GRM7: variants seen among roughly 807,000 people sequenced by gnomAD.
GRM7 encodes the protein glutamate metabotropic receptor 7, also known as metabotropic glutamate receptor 7.
A neutral mutation model predicts 84.5 loss-of-function variants in GRM7; 35 were observed. The observed-to-expected ratio is 0.41, with a 90% CI of 0.32 to 0.55. The LOEUF (loss-of-function observed/expected upper bound fraction) is 0.55. Among genes scored for constraint, GRM7 ranks in the 20% least tolerant of loss-of-function variants. GRM7 has a pLI of 0.19. For synonymous variants in GRM7, 487 were observed against 455.1 expected (o/e 1.07, Z -0.89); for missense variants, 1,003 against 1,194.6 (o/e 0.84, Z 2.36).
At chr3:7,098,092 C>G (rs1489812920) in intron 1 of GRM7, among the ~76,000 whole-genome samples, 2 of 151,946 alleles carry the variant, frequency 1.3e-5, no homozygotes, top group African/African-American at 4.8e-5. Context: ...AACTGATTAC[C>G]CAGAATGGTT....
At chr3:7,566,591 G>A (rs1694282369) in intron 7 of GRM7, among the ~76,000 whole-genome samples, 1 of 152,042 alleles carries the variant, frequency 6.6e-6, no homozygotes, top group South Asian at 2.1e-4. Context: ...CAAATAAATT[G>A]TTTACAAGGA....
At chr3:7,332,415 G>A (rs1019286632) in intron 4 of GRM7, among the ~76,000 whole-genome samples, 13 of 152,124 alleles carry the variant, frequency 8.5e-5, no homozygotes, top group African/African-American at 2.7e-4. Context: ...GTTGAGAAAG[G>A]CAATGAAATA....
chr3:7,263,295 C>G (rs571000105), intron 2 of GRM7, among the ~76,000 whole-genome samples: 1 of 152,138 alleles, frequency 6.6e-6, no homozygotes, highest in Non-Finnish European at 1.5e-5. Flanking sequence ...TAACCTGCTG[C>G]GCTGGAGAGG....
intron 2 of GRM7, among the ~76,000 whole-genome samples, chr3:7,265,588 C>A (rs992092429): frequency 1.4e-4 from 21 of 152,102 alleles, no homozygotes; most frequent in African/African-American, 2.4e-5. Context: ...ATTTCATCCA[C>A]AAAAATGCAA....
chr3:6,989,729 G>A (rs1027679632), intron 1 of GRM7, among the ~76,000 whole-genome samples: 1 of 152,200 alleles, frequency 6.6e-6, no homozygotes, highest in African/African-American at 2.4e-5. Context: ...CATGGCTTGC[G>A]CAGTGTTATT....
chr3:6,965,923 T>C (rs1300893713), intron 1 of GRM7, among the ~76,000 whole-genome samples: 1 of 152,116 alleles, frequency 6.6e-6, no homozygotes, highest in African/African-American at 2.4e-5. Flanking sequence ...CACACTCAAG[T>C]TGAGAAATAT....
chr3:7,165,778 C>A (rs1694780647), intron 2 of GRM7, among the ~76,000 whole-genome samples: 1 of 152,122 alleles, frequency 6.6e-6, no homozygotes, highest in Non-Finnish European at 1.5e-5. Context: ...GCTCTATTTA[C>A]ATGTTTATAA....
intron 4 of GRM7, among the ~76,000 whole-genome samples, chr3:7,373,836 G>C (rs544485200): frequency 6.6e-6 from 1 of 152,288 alleles, no homozygotes; most frequent in African/African-American, 2.4e-5. Context: ...TGGGCAATAT[G>C]GTAGCTACCA....
At chr3:7,248,231 G>T (rs1472439542) in intron 2 of GRM7, among the ~76,000 whole-genome samples, 1 of 152,134 alleles carries the variant, frequency 6.6e-6, no homozygotes, top group African/African-American at 2.4e-5. Context: ...TTATTAAGAG[G>T]AGGAAGGCTA....
At chr3:7,417,235 G>C (rs184420732) in intron 5 of GRM7, among the ~76,000 whole-genome samples, 1 of 151,954 alleles carries the variant, frequency 6.6e-6, no homozygotes, top group Admixed American at 6.6e-5. Context: ...CAAAATATTC[G>C]TATATTCTCA....
intron 2 of GRM7, among the ~76,000 whole-genome samples, chr3:7,179,309 C>T (rs746170547): frequency 6.6e-6 from 1 of 152,082 alleles, no homozygotes; most frequent in South Asian, 2.1e-4. Flanking sequence ...TTTAATTGTC[C>T]CCCTCCCAAT....
chr3:7,405,374 G>T (rs559158183), intron 4 of GRM7, among the ~76,000 whole-genome samples: 1 of 152,038 alleles, frequency 6.6e-6, no homozygotes, highest in Non-Finnish European at 1.5e-5. Context: ...CATAATACTT[G>T]TACATATTTT....
intron 1 of GRM7, among the ~76,000 whole-genome samples, chr3:7,024,511 A>G (rs1471929829): frequency 2.0e-5 from 3 of 152,254 alleles, no homozygotes; most frequent in Admixed American, 6.5e-5. Context: ...CTGGGCCTTG[A>G]AGAGCAAATA....
intron 1 of GRM7, among the ~76,000 whole-genome samples, chr3:6,906,740 C>T (rs1023265341): frequency 3.3e-5 from 5 of 151,924 alleles, no homozygotes; most frequent in Non-Finnish European, 7.4e-5. Flanking sequence ...TATACCATAC[C>T]AGCATTTTTC....
At chr3:7,214,130 GAC>G (rs1696523305) in intron 2 of GRM7, among the ~76,000 whole-genome samples, 1 of 137,920 alleles carries the variant, frequency 7.3e-6, no homozygotes, top group Non-Finnish European at 1.6e-5. Context: ...AAAAAAAAAA[GAC>G]AACACAGTGA....
At chr3:7,288,176 T>C (rs1041470844) in intron 2 of GRM7, among the ~76,000 whole-genome samples, 24 of 152,200 alleles carry the variant, frequency 1.6e-4, no homozygotes, top group African/African-American at 5.8e-4. Context: ...CCTTTAAGGA[T>C]ATACAAAGGA....
chr3:7,014,481 A>G lies in GRM7; in HGVS notation c.520-131971A>G, dbSNP rs560917422. 1.6e-4 allele frequency among the ~76,000 whole-genome samples: 25 copies of G among 152,230 alleles called. No homozygotes were observed. The East Asian group carries it at 3.5e-3, about 21-fold the overall frequency. On this transcript the variant is annotated intron_variant, in intron 1 of 9. Coordinates refer to ENST00000357716, the MANE Select transcript of GRM7 (RefSeq NM_000844.4). ...TCAGCCTCAAAGAGTAGCTGGGATTACAGAGGTGCACCACCACGCCCAGCT... is the reference window on the plus strand; with the variant it reads ...TCAGCCTCAAAGAGTAGCTGGGATTGCAGAGGTGCACCACCACGCCCAGCT...
At chr3:7,307,378 A>G (rs911528767) in intron 4 of GRM7, among the ~76,000 whole-genome samples, 4 of 152,132 alleles carry the variant, frequency 2.6e-5, no homozygotes, top group Non-Finnish European at 5.9e-5. Flanking sequence ...CTCTGCTGAT[A>G]GCCTGCTTTG....
At chr3:7,183,364 C>T (rs539523030) in intron 2 of GRM7, among the ~76,000 whole-genome samples, 3 of 152,156 alleles carry the variant, frequency 2.0e-5, no homozygotes, top group Admixed American at 6.5e-5. Context: ...TGGTGGCTCA[C>T]GCCTGTAATC....
Sources: allele counts gnomAD v4.1 joint callset (sites outside exome capture counted in the v4.1 genomes callset), GRCh38; gene constraint gnomAD v4.1.1; transcripts MANE v1.5; gene names NCBI Gene and HGNC (gene_info 2026-07-23, HGNC 2026-07-21).